RPSA2: variants seen among roughly 807,000 people sequenced by gnomAD.
RPSA2 encodes the protein small ribosomal subunit protein uS2B.
the RPSA2 span, among the ~76,000 whole-genome samples, chr19:23,822,410 A>T: frequency 2.0e-5 from 3 of 152,126 alleles, no homozygotes; most frequent in Non-Finnish European, 4.4e-5. Context: ...TTAGGAGGAG[A>T]TTCCTGCAAT....
the RPSA2 span, among the ~76,000 whole-genome samples, chr19:23,777,542 C>T: frequency 1.3e-5 from 2 of 151,762 alleles, no homozygotes; most frequent in Non-Finnish European, 1.5e-5. Flanking sequence ...GGCCTGACAC[C>T]TAGGGGATGA....
At chr19:23,810,544 ATGG>A in the RPSA2 span, among the ~76,000 whole-genome samples, 1 of 151,786 alleles carries the variant, frequency 6.6e-6, no homozygotes, top group Non-Finnish European at 1.5e-5. Flanking sequence ...GGGTCTGCAT[ATGG>A]TGTTCTTTAT....
At chr19:23,767,344 G>A in the RPSA2 span, among the ~76,000 whole-genome samples, 3 of 151,984 alleles carry the variant, frequency 2.0e-5, no homozygotes, top group African/African-American at 7.3e-5. Flanking sequence ...CTCTCAAAGT[G>A]CAGGGATTAC....
the RPSA2 span, among the ~76,000 whole-genome samples, chr19:23,806,043 C>CTT: frequency 1.7e-5 from 1 of 58,202 alleles, no homozygotes; most frequent in Non-Finnish European, 3.9e-5. Context: ...ATCCTTCTTT[C>CTT]TTTCTTTTTT....
chr19:23,794,115 A>G, the RPSA2 span, among the ~76,000 whole-genome samples: 1 of 152,158 alleles, frequency 6.6e-6, no homozygotes, highest in African/African-American at 2.4e-5. Context: ...TAGGCATTCA[A>G]GTTGATTCCA....
the RPSA2 span, among the ~76,000 whole-genome samples, chr19:23,824,582 T>TTCTTTTTTTTTTC: frequency 1.8e-5 from 2 of 108,730 alleles, no homozygotes; most frequent in Admixed American, 9.6e-5. Flanking sequence ...TAGCATTTCT[T>TTCTTTTTTTTTTC]TTTTTTTTTT....
At chr19:23,826,292 A>G in the RPSA2 span, among the ~76,000 whole-genome samples, 1 of 151,598 alleles carries the variant, frequency 6.6e-6, no homozygotes, top group South Asian at 2.1e-4. Context: ...TCCCGGGTTC[A>G]AGCAATTCTC....
At chr19:23,793,400 TTATTTGTATTTTATTGTATTG>T in the RPSA2 span, among the ~76,000 whole-genome samples, 1 of 151,398 alleles carries the variant, frequency 6.6e-6, no homozygotes, top group Non-Finnish European at 1.5e-5. Flanking sequence ...TGCTCTTGTT[TTATTTGTATTTTATTGTATTG>T]TATTTGTATT....
chr19:23,792,019 G>C, the RPSA2 span, among the ~76,000 whole-genome samples: 76 of 152,288 alleles, frequency 5.0e-4, no homozygotes, highest in African/African-American at 1.8e-3. Context: ...ACTGCGCCCT[G>C]CCGACTGATT....
the RPSA2 span, among the ~76,000 whole-genome samples, chr19:23,853,946 A>T: frequency 6.6e-6 from 1 of 152,204 alleles, no homozygotes; most frequent in Non-Finnish European, 1.5e-5. Context: ...CCCAGTATCT[A>T]CTAGGCCATC....
the RPSA2 span, among the ~76,000 whole-genome samples, chr19:23,782,671 AT>A: frequency 4.6e-5 from 7 of 152,164 alleles, no homozygotes; most frequent in Admixed American, 6.6e-5. Flanking sequence ...CACCTAGATA[AT>A]GTGACTCTTT....
At chr19:23,762,695 C>G in the RPSA2 span, among the ~76,000 whole-genome samples, 1 of 126,642 alleles carries the variant, frequency 7.9e-6, no homozygotes, top group Admixed American at 7.9e-5. Context: ...AAAAAAAAGT[C>G]CAAATGTTCT....
the RPSA2 span, among the ~76,000 whole-genome samples, chr19:23,854,942 G>A: frequency 1.9e-4 from 29 of 152,288 alleles, no homozygotes; most frequent in South Asian, 8.3e-4. Flanking sequence ...ATTCTCAAAA[G>A]CCAACATATG....
the RPSA2 span, among the ~76,000 whole-genome samples, chr19:23,862,592 T>C: frequency 6.6e-6 from 1 of 152,198 alleles, no homozygotes; most frequent in African/African-American, 2.4e-5. Context: ...CATGAAGGGT[T>C]GTTGAATTTT....
chr19:23,826,474 T>C, the RPSA2 span, among the ~76,000 whole-genome samples: 1 of 152,086 alleles, frequency 6.6e-6, no homozygotes, highest in Non-Finnish European at 1.5e-5. Flanking sequence ...ATTACAGGTA[T>C]GGGCCACCAT....
At chr19:23,761,826 C>A in the RPSA2 span, among the ~76,000 whole-genome samples, 23 of 151,628 alleles carry the variant, frequency 1.5e-4, no homozygotes, top group African/African-American at 5.6e-4. Context: ...AGTCACGGCA[C>A]AATTACCCTG....
At chr19:23,868,456 A>G in the RPSA2 span, among the ~76,000 whole-genome samples, 1 of 152,238 alleles carries the variant, frequency 6.6e-6, no homozygotes, top group Non-Finnish European at 1.5e-5. Context: ...ATAAAACAGG[A>G]ATTCCTTACA....
the RPSA2 span, among the ~76,000 whole-genome samples, chr19:23,828,705 T>C: frequency 6.6e-6 from 1 of 151,794 alleles, no homozygotes; most frequent in Non-Finnish European, 1.5e-5. Flanking sequence ...GTATGAGCTA[T>C]TGAGAAGGGT....
the RPSA2 span, among the ~76,000 whole-genome samples, chr19:23,849,222 A>C: frequency 3.3e-5 from 5 of 152,244 alleles, no homozygotes; most frequent in Non-Finnish European, 5.9e-5. Flanking sequence ...AGGTAAACAA[A>C]GCAGAATGCT....
Sources: allele counts gnomAD v4.1 joint callset (sites outside exome capture counted in the v4.1 genomes callset), GRCh38; gene constraint gnomAD v4.1.1; transcripts MANE v1.5; gene names NCBI Gene and HGNC (gene_info 2026-07-23, HGNC 2026-07-21).